Variants in REPS2 observed in about 807,000 individuals in gnomAD.
REPS2 encodes ralBP1-associated Eps domain-containing protein 2.
Under a neutral mutation model 53.6 loss-of-function variants are expected in REPS2, and 23 were observed. The ratio of observed to expected loss-of-function variants is 0.43; its 90% CI spans 0.31 to 0.61. The LOEUF is 0.61. REPS2 is among the 20% of genes least tolerant of loss of function. The pLI is 0.11. For synonymous variants in REPS2, 238 were observed against 218.6 expected (o/e 1.09, Z -0.78); for missense variants, 446 against 534.9 (o/e 0.83, Z 1.64).
intron 14 of REPS2, among the ~76,000 whole-genome samples, chrX:17,110,328 T>TTG (rs2062944054): frequency 9.5e-6 from 1 of 105,726 alleles, no homozygotes. Context: ...TTTTTTTTTT[T>TTG]GGGAATATCT....
chrX:17,042,862 C>G (rs1422432845), intron 5 of REPS2, among the ~76,000 whole-genome samples: 3 of 111,536 alleles, frequency 2.7e-5, no homozygotes, highest in Non-Finnish European at 5.6e-5. Flanking sequence ...GTGGTACGAT[C>G]ATGGCTCACT....
intron 1 of REPS2, among the ~76,000 whole-genome samples, chrX:16,989,961 T>C (rs2061141912): frequency 8.9e-6 from 1 of 112,491 alleles, no homozygotes; most frequent in Admixed American, 9.4e-5. Context: ...TGAAGATTTA[T>C]GTTCATATAA....
At chrX:17,018,694 G>A (rs1201687936) in intron 2 of REPS2, among the ~76,000 whole-genome samples, 2 of 108,294 alleles carry the variant, frequency 1.8e-5, no homozygotes, top group Non-Finnish European at 3.8e-5. Flanking sequence ...TGGAACATGA[G>A]TTCTCTGCCC....
rs2060442809 is a variant in REPS2, at chrX:16,947,013, G to T, written c.152G>T (p.Gly51Val). Residue 51 changes from glycine to valine, a missense_variant, in exon 1 of 18, where the codon GGG becomes GTG. Transcript: ENST00000357277. ...GCGCGCTGTGCCGGCGCCGCGGGCG[G>T]GGGCCCCGGGTCTGGGCCCCCCGAG... Reference protein sequence around the residue: ...LFARCAGAAGGGPGSGPPEAA... With the variant: ...LFARCAGAAGVGPGSGPPEAA... 2.1e-6 allele frequency: 2 copies of T among 945,592 alleles called. No individual in the cohort carries two copies. The allele number at this position is 945,592 out of a possible 1,213,427, so 77.9% of individuals were successfully genotyped here. A position where few individuals can be genotyped will look rare whatever the true frequency, so the allele number is the denominator to read the frequency against.
chrX:17,135,601 A>C, intron 16 of REPS2, 195 bp downstream of exon 16: 1 of 420,828 alleles, frequency 2.4e-6, no homozygotes, highest in Non-Finnish European at 3.9e-6. Flanking sequence ...ACTTAACCTG[A>C]CCTAAAGGGG....
intron 1 of REPS2, among the ~76,000 whole-genome samples, chrX:16,959,491 C>CA (rs1485638397): frequency 6.3e-5 from 7 of 111,719 alleles, no homozygotes; most frequent in Non-Finnish European, 1.1e-4. Context: ...GTGGAGTGAC[C>CA]CTCTTGCAGA....
At chrX:16,953,100 A>AC (rs2060538878) in intron 1 of REPS2, among the ~76,000 whole-genome samples, 1 of 97,239 alleles carries the variant, frequency 1.0e-5, no homozygotes, top group Non-Finnish European at 2.1e-5. Context: ...CCAAAAAACA[A>AC]ACACACACAC....
chrX:16,998,418 T>C (rs1236456806), intron 1 of REPS2, among the ~76,000 whole-genome samples: 1 of 112,289 alleles, frequency 8.9e-6, no homozygotes, highest in Non-Finnish European at 1.9e-5. Context: ...AAAATATAAG[T>C]AAATGCATCT....
intron 6 of REPS2, among the ~76,000 whole-genome samples, chrX:17,051,027 C>T (rs1272028045): frequency 9.0e-6 from 1 of 111,387 alleles, no homozygotes; most frequent in Non-Finnish European, 1.9e-5. Flanking sequence ...CCCCTCACAG[C>T]CTCTGGTAAC....
intron 1 of REPS2, among the ~76,000 whole-genome samples, chrX:16,951,559 A>ACACACACACCCC (rs879259718): frequency 8.0e-4 from 30 of 37,507 alleles, no homozygotes; most frequent in East Asian, 1.8e-3. Context: ...ACACACACAC[A>ACACACACACCCC]CCCCCGCTAC....
intron 13 of REPS2, among the ~76,000 whole-genome samples, chrX:17,077,928 G>A (rs967783374): frequency 8.9e-6 from 1 of 112,287 alleles, no homozygotes; most frequent in Non-Finnish European, 1.9e-5. Flanking sequence ...GGGTCCTAGG[G>A]CAAGGGCTCC....
chrX:16,960,496 C>T (rs186852498), intron 1 of REPS2, among the ~76,000 whole-genome samples: 1 of 112,529 alleles, frequency 8.9e-6, no homozygotes, highest in South Asian at 3.6e-4. Flanking sequence ...TTCCTCAACA[C>T]ATTAAAGACC....
intron 12 of REPS2, 142 bp downstream of exon 12, chrX:17,074,301 TG>T: frequency 1.9e-6 from 1 of 525,678 alleles, no homozygotes; most frequent in Non-Finnish European, 3.3e-6. Context: ...CGCTCGTGCA[TG>T]GCCTGATGGG....
intron 8 of REPS2, 102 bp downstream of exon 8, chrX:17,055,052 G>C (rs1316408495): frequency 6.5e-6 from 5 of 772,649 alleles, no homozygotes; most frequent in African/African-American, 2.2e-5. Flanking sequence ...TCTAACTGGT[G>C]TGAGATGATA....
chrX:16,975,178 C>T (rs1013960166), intron 1 of REPS2, among the ~76,000 whole-genome samples: 4 of 112,073 alleles, frequency 3.6e-5, no homozygotes, highest in Non-Finnish European at 5.6e-5. Context: ...AATGAACATA[C>T]GCTTGCATGT....
At chrX:17,063,432 G>T (rs776303157) in intron 9 of REPS2, among the ~76,000 whole-genome samples, 1 of 111,512 alleles carries the variant, frequency 9.0e-6, no homozygotes, top group African/African-American at 3.3e-5. Context: ...AGGCCCTCAT[G>T]CCTGTAGCAT....
At chrX:17,153,327 A>G (rs772024231), downstream of REPS2, 4 of 112,619 alleles carry the variant, frequency 3.6e-5, no homozygotes, top group South Asian at 1.5e-3. Context: ...ATTTGTTCTC[A>G]TGTATTTAAT....
At chrX:16,972,764 A>T (rs1404447047) in intron 1 of REPS2, among the ~76,000 whole-genome samples, 2 of 112,106 alleles carry the variant, frequency 1.8e-5, no homozygotes, top group South Asian at 7.3e-4. Flanking sequence ...TCTAGTAGGA[A>T]TATTCATTCA....
intron 2 of REPS2, among the ~76,000 whole-genome samples, chrX:17,015,172 T>C (rs1395852662): frequency 8.9e-6 from 1 of 112,986 alleles, no homozygotes; most frequent in African/African-American, 3.2e-5. Flanking sequence ...TGTTATTTAA[T>C]ATCGTAGCCA....
Sources: gnomAD v4.1 joint callset for allele counts (sites outside exome capture counted in the v4.1 genomes callset) on GRCh38, gnomAD v4.1.1 for gene constraint, MANE v1.5 for transcripts, NCBI Gene and HGNC (gene_info 2026-07-23, HGNC 2026-07-21) for gene names.